POLE: variants seen among roughly 807,000 people sequenced by gnomAD.
POLE encodes the protein DNA polymerase epsilon, catalytic subunit.
POLE carries 188 observed loss-of-function variants against 279.2 expected under a neutral mutation model. That is an observed-to-expected ratio of 0.67 (90% CI 0.60 to 0.76). POLE has a LOEUF of 0.76. Ranked by LOEUF, POLE falls within the 30% of genes least tolerant of loss-of-function variation. The pLI is 0.00. For synonymous variants in POLE, 1,214 were observed against 1,172.5 expected (o/e 1.04, Z -0.72); for missense variants, 2,703 against 3,016.7 (o/e 0.90, Z 2.44).
At chr12:132,641,592 G>A in intron 39 of POLE, 55 bp downstream of exon 39, 2 of 1,479,716 alleles carry the variant, frequency 1.4e-6, no homozygotes, top group Non-Finnish European at 1.9e-6. Context: ...TCCAAATTAA[G>A]GGCAAAGGAT....
At chr12:132,628,643 CTCAAA>C (rs1261450799) in intron 45 of POLE, among the ~76,000 whole-genome samples, 1 of 141,338 alleles carries the variant, frequency 7.1e-6, no homozygotes, top group African/African-American at 2.7e-5. Context: ...GAGGCTCCAT[CTCAAA>C]ACAAAACAAA....
At position 132,682,569 on chromosome 12, in the gene POLE, T is replaced by G. The variant is rs2043192841; in HGVS notation, c.63-1290A>C. Among the ~76,000 whole-genome samples, 3 of 152,192 alleles carry G rather than the reference T, an allele frequency of 2.0e-5. No individual in the cohort carries two copies. The South Asian group carries it at 6.2e-4, about 31-fold the overall frequency. ...TTTCTTAGTTGTGACAATTGTACTC[T>G]ACTTACACAAGATGTTATGGTGAAG... On this transcript the variant is annotated intron_variant, in intron 1 of 48. Transcript: ENST00000320574.
intron 9 of POLE, 159 bp downstream of exon 9, chr12:132,676,386 AG>A (rs1195597630): frequency 2.8e-6 from 2 of 710,584 alleles, no homozygotes; most frequent in East Asian, 5.3e-5. Context: ...TCGAAAGGGG[AG>A]GGTACAGCTG....
intron 40 of POLE, 70 bp from the exon 41 acceptor site, chr12:132,638,209 T>C (rs2042073897): frequency 2.0e-6 from 3 of 1,489,386 alleles, no homozygotes; most frequent in Non-Finnish European, 2.7e-6. Flanking sequence ...ACCCAGAAAA[T>C]CCAAGAGGGA....
rs2138656159 is a variant in POLE at position 132,657,153 on chromosome 12, G to A, written c.3565C>T (p.Leu1189=). The part of the protein sequence containing the change: ...KQKKISELFT[L]EGRRQVTMAE... The stretch of plus-strand genomic sequence containing the variant: ...ACCGTCACCTGTCTCCTGCCCTCCA[G>A]GGTGAAGAGCTCACTGATCTTCTTC... Residue 1189 remains leucine, a synonymous_variant, in exon 29 of 49, where the codon CTG becomes TTG. Transcript: ENST00000320574. The A allele has an allele frequency of 6.2e-7, 1 of 1,614,010 alleles. No individual in the cohort carries two copies. The highest frequency in any genetic ancestry group is 8.5e-7 in the Non-Finnish European group (1 of 1,179,998).
In POLE at chr12:132,679,962, G is replaced by A. The variant is rs1302399839; in HGVS notation, c.415C>T (p.Leu139=). 1.7e-5 allele frequency: 28 copies of A among 1,611,136 alleles called. No individual in the cohort carries two copies. Among genetic ancestry groups the A allele is most frequent in the Non-Finnish European group, 2.3e-5 (27 of 1,177,642 alleles). ...GTCTGGGTGATACTCACCAAGTCCAGATCCTCTTTGGGGACAGTCTCCACT... is the reference window on the plus strand; with the variant it reads ...GTCTGGGTGATACTCACCAAGTCCAAATCCTCTTTGGGGACAGTCTCCACT... ...AKVETVPKED[L]DLPNHLVGLK... is the part of the protein sequence containing the mutation. Residue 139 remains leucine, a synonymous_variant, in exon 5 of 49, where the codon CTG becomes TTG. Coordinates refer to ENST00000320574, the MANE Select transcript of POLE (RefSeq NM_006231.4).
chr12:132,674,737 TA>T (rs2043004274), intron 12 of POLE, among the ~76,000 whole-genome samples: 1 of 152,150 alleles, frequency 6.6e-6, no homozygotes, highest in South Asian at 2.1e-4. Context: ...GCATCAGAGC[TA>T]AACAGAAACG....
Position 132,676,137 on chromosome 12 carries a change from G to C in POLE, c.977C>G (p.Pro326Arg), listed in dbSNP as rs1484476936. Residue 326 changes from proline (P) to arginine (R), a missense_variant, in exon 10 of 49, where the codon CCA becomes CGA. Transcript: ENST00000320574. ...GACACAAAAGGGGCCTTCATATTCT[G>C]GCTTGGGGGTGAACTCAAAATCTTC... Reference protein sequence around the residue: ...DIEDFEFTPKPEYEGPFCVFN... With the variant: ...DIEDFEFTPKREYEGPFCVFN... The C allele has an allele frequency of 6.2e-7, 1 of 1,612,964 alleles. No homozygotes were observed. The highest frequency in any genetic ancestry group is 1.7e-5 in the Admixed American group (1 of 59,768).
At chr12:132,654,923 CCT>C (rs1304241397) in intron 29 of POLE, among the ~76,000 whole-genome samples, 3 of 152,082 alleles carry the variant, frequency 2.0e-5, no homozygotes. Flanking sequence ...TTGGGTTCTC[CCT>C]GTGTTGCCCA....
Position 132,661,628 on chromosome 12 carries a change from G to T in POLE, c.2763C>A (p.Tyr921Ter). Residue 921 changes from tyrosine (Y) to a stop codon, truncating the protein, a stop_gained, in exon 24 of 49, where the codon TAC becomes TAA. Coordinates refer to ENST00000320574, the MANE Select transcript of POLE (RefSeq NM_006231.4). LOFTEE classifies it high-confidence loss of function. This position sits in a 1 kb window ranked among gnomAD's most constrained non-coding sequence, Gnocchi z 4.1. The part of the protein sequence containing the change: ...QELAEPSSLT[Y>*]VTRSENSIFF... ...AGATGCTGTTCTCTGAGCGGGTGAC[G>T]TAGGTGAGTGAGGACGGCTCAGCCA... 1 of 1,614,188 alleles carries T rather than the reference G, an allele frequency of 6.2e-7. No individual in the cohort carries two copies. The highest frequency in any genetic ancestry group is 8.5e-7 in the Non-Finnish European group (1 of 1,180,024).
chr12:132,630,602 T>C (rs563853220), intron 45 of POLE, among the ~76,000 whole-genome samples: 119 of 151,844 alleles, frequency 7.8e-4, no homozygotes, highest in Non-Finnish European at 1.3e-3. Flanking sequence ...ATACAAAAAA[T>C]TGGGGGGGCG....
At chr12:132,640,106 T>C (rs1039346121) in intron 39 of POLE, among the ~76,000 whole-genome samples, 1 of 152,102 alleles carries the variant, frequency 6.6e-6, no homozygotes, top group African/African-American at 2.4e-5. Context: ...AAATGGACCA[T>C]TCAGGCGCTC....
intron 25 of POLE, 80 bp downstream of exon 25, chr12:132,660,889 G>A (rs926847276): frequency 8.3e-7 from 1 of 1,200,894 alleles, no homozygotes; most frequent in South Asian, 1.6e-5. Context: ...TGGTCTCCAG[G>A]AGCCCAGGAA....
rs2043157860 is a variant in POLE at position 132,681,142 on chromosome 12, T to C, written c.200A>G (p.His67Arg). Residue 67 changes from histidine (H) to arginine (R), a missense_variant, in exon 2 of 49, where the codon CAT becomes CGT. Transcript: ENST00000320574. ...GEKTGWLINMHPTEILDEDKR... is the reference protein window; with the variant it reads ...GEKTGWLINMRPTEILDEDKR... The stretch of plus-strand genomic sequence containing the variant: ...GGAGAAGGACCTAGTGCTTACAGGA[T>C]GCATGTTAATGAGCCAGCCTGTCTT... 6.2e-7 allele frequency: 1 copy of C among 1,614,124 alleles called. No individual in the cohort carries two copies. The highest frequency in any genetic ancestry group is 8.5e-7 in the Non-Finnish European group (1 of 1,180,010).
At chr12:132,625,852 G>A in intron 46 of POLE, 82 bp from the exon 47 acceptor site, 2 of 1,541,802 alleles carry the variant, frequency 1.3e-6, no homozygotes, top group Non-Finnish European at 1.7e-6. Flanking sequence ...GAGAGGAAGG[G>A]GCTGTGAGAA....
chr12:132,634,775 G>C lies in POLE; in HGVS notation c.5812-397C>G, dbSNP rs892957474. Among the ~76,000 whole-genome samples, 1 of 152,138 alleles carries C rather than the reference G, an allele frequency of 6.6e-6. No homozygotes were observed. The highest frequency in any genetic ancestry group is 2.4e-5 in the African/African-American group (1 of 41,426). On this transcript the variant is annotated intron_variant, in intron 42 of 48. Transcript: ENST00000320574. The surrounding 1 kb of genome is among the most constrained non-coding windows in gnomAD (Gnocchi z 4.0). ...ACAGACCCAGCCTCCCGCGCAGCCT[G>C]TGTTCGTGCCACGGCACCATCCACG... is the stretch of plus-strand genomic sequence containing the variant.
In POLE at chr12:132,679,510, C is replaced by G. The variant is rs1555230056; in HGVS notation, c.565G>C (p.Ala189Pro). 2 of 1,611,664 alleles carry G rather than the reference C, an allele frequency of 1.2e-6. No individual in the cohort carries two copies. The highest frequency in any genetic ancestry group is 1.3e-5 in the African/African-American group (1 of 75,016). The change falls in exon 6 of 49, where the codon GCT becomes CCT. Residue 189 changes from alanine (A) to proline (P), a missense_variant. Ala to Pro is a conservative substitution (Grantham distance 27). Coordinates refer to ENST00000320574, the MANE Select transcript of POLE (RefSeq NM_006231.4). ...ACCAAAGTTTACCTGGAAAGCAGAGCTGTGTACGCGTCGCTGGCGTGATCC... is the reference window on the plus strand; with the variant it reads ...ACCAAAGTTTACCTGGAAAGCAGAGGTGTGTACGCGTCGCTGGCGTGATCC... ...EQDHASDAYT[A>P]LLSSVLQRGG...
intron 45 of POLE, among the ~76,000 whole-genome samples, chr12:132,626,778 A>G (rs2041848626): frequency 6.6e-6 from 1 of 152,248 alleles, no homozygotes; most frequent in Admixed American, 6.5e-5. Context: ...TAAGTTATGG[A>G]AAAAGGTACA....
intron 2 of POLE, 51 bp downstream of exon 2, chr12:132,681,087 C>G (rs2136032968): frequency 6.2e-7 from 1 of 1,606,690 alleles, no homozygotes; most frequent in Admixed American, 1.7e-5. Context: ...CACGCTATGA[C>G]CAGAAGGGTT....
Sources: allele counts gnomAD v4.1 joint callset (sites outside exome capture counted in the v4.1 genomes callset), GRCh38; gene constraint gnomAD v4.1.1; non-coding constraint Gnocchi (gnomAD v3.1); transcripts MANE v1.5; gene names NCBI Gene and HGNC (gene_info 2026-07-23, HGNC 2026-07-21).